ACACA: variants seen among roughly 807,000 people sequenced by gnomAD.
ACACA encodes acetyl-CoA carboxylase alpha.
In ACACA, 103 loss-of-function variants were observed where a neutral mutation model predicts 296.1. The ratio of observed to expected loss-of-function variants is 0.35; its 90% CI spans 0.30 to 0.41. The LOEUF is 0.41. Among genes scored for constraint, ACACA ranks in the 10% least tolerant of loss-of-function variants. The pLI is 1.00. For synonymous variants in ACACA, 953 were observed against 1,038.6 expected (o/e 0.92, Z 1.58); for missense variants, 1,554 against 2,989.7 (o/e 0.52, Z 11.20).
At chr17:37,374,767 C>G (rs562052588) in intron 1 of ACACA, among the ~76,000 whole-genome samples, 337 of 152,350 alleles carry the variant, frequency 2.2e-3, no homozygotes, top group African/African-American at 7.7e-3. Flanking sequence ...CTCACAACCT[C>G]TCAGCCCAAT....
chr17:37,394,215 C>CTTTTTTTTTTTTTTTT (rs796871691), intron 1 of ACACA, among the ~76,000 whole-genome samples: 2 of 144,464 alleles, frequency 1.4e-5, no homozygotes, highest in East Asian at 4.0e-4. Context: ...TTTTCTTTTT[C>CTTTTTTTTTTTTTTTT]TTTTTTTTTT....
At chr17:37,211,185 T>G (rs1210488110) in intron 29 of ACACA, among the ~76,000 whole-genome samples, 1 of 152,234 alleles carries the variant, frequency 6.6e-6, no homozygotes, top group African/African-American at 2.4e-5. Context: ...TTGTTAAAAT[T>G]AATTAATACT....
At chr17:37,345,575 C>G (rs1165181859) in intron 1 of ACACA, among the ~76,000 whole-genome samples, 4 of 152,038 alleles carry the variant, frequency 2.6e-5, no homozygotes, top group Non-Finnish European at 5.9e-5. Flanking sequence ...AAATAACTAC[C>G]TGTAGATTAA....
intron 10 of ACACA, 53 bp downstream of exon 10, chr17:37,270,698 A>G (rs575321243): frequency 4.4e-4 from 580 of 1,316,610 alleles, no homozygotes; most frequent in Middle Eastern, 5.8e-4. Flanking sequence ...GTTAAATCAT[A>G]TATCTCTGAT....
In ACACA at chr17:37,149,918, G is replaced by A; in HGVS notation, c.5625C>T (p.Thr1875=). 6.2e-7 allele frequency: 1 copy of A among 1,614,214 alleles called. No individual in the cohort carries two copies. The change falls in exon 45 of 56, where the codon ACC becomes ACT. Residue 1875 remains threonine (T), a synonymous_variant. Transcript: ENST00000616317. The part of the protein sequence containing the change: ...GAYLVRLGQR[T]IQVENSHLIL... ...TTAAGTGAGAATTCTCAACCTGGAT[G>A]GTTCTCTGTCCCAGCCGGACAAGGT...
chr17:37,206,973 T>G (rs2078530550), intron 31 of ACACA, 94 bp from the exon 32 acceptor site: 7 of 1,139,030 alleles, frequency 6.1e-6, no homozygotes, highest in Non-Finnish European at 9.1e-6. Context: ...ATAATCTATC[T>G]TAGCCTGGGC....
intron 1 of ACACA, among the ~76,000 whole-genome samples, chr17:37,378,799 T>A (rs1268066754): frequency 6.6e-6 from 1 of 150,472 alleles, no homozygotes. Context: ...CGGTGGCTCA[T>A]GTCTGTAATC....
At position 37,265,633 on chromosome 17, in the gene ACACA, T is replaced by C. The variant is rs116665365; in HGVS notation, c.1120-1739A>G. ...GGAAATAGGAGGTACATAGTAGTCA[T>C]TGGTCCATAGCAATTCTGAAATCCA... On this transcript the variant is annotated intron_variant, in intron 10 of 55. Coordinates refer to ENST00000616317, the MANE Select transcript of ACACA (RefSeq NM_198834.3). Among the ~76,000 whole-genome samples, 175 of 152,282 alleles carry C rather than the reference T, an allele frequency of 1.1e-3. 1 individual carries two copies. Among genetic ancestry groups the C allele is most frequent in the African/African-American group, 3.6e-3 (150 of 41,542 alleles).
chr17:37,257,722 T>C lies in ACACA; in HGVS notation c.1807A>G (p.Asn603Asp), dbSNP rs765712715. 6.2e-7 allele frequency: 1 copy of C among 1,614,142 alleles called. No homozygotes were observed. ...QFGHCFSWGE[N>D]REEAISNMVV... Reference sequence around the variant, plus strand: ...ACTCACGAAATTGCCTCTTCTCTGTTTTCTCCCCAAGAAAAGCAGTGACCA... The same window carrying C: ...ACTCACGAAATTGCCTCTTCTCTGTCTTCTCCCCAAGAAAAGCAGTGACCA... The change falls in exon 14 of 56, where the codon AAC becomes GAC. Residue 603 changes from asparagine (N) to aspartate (D), a missense_variant. Transcript: ENST00000616317.
Position 37,291,919 on chromosome 17 carries a change from AT to A in ACACA, c.339-6950del, listed in dbSNP as rs961536995. 2.5e-3 allele frequency among the ~76,000 whole-genome samples: 371 copies of A among 150,648 alleles called. 3 individuals carry two copies. Among genetic ancestry groups the A allele is most frequent in the East Asian group, 0.014 (74 of 5,164 alleles). On this transcript the variant is annotated intron_variant, in intron 3 of 55. Transcript: ENST00000616317. ...GTAAAAGGCAGTGCCTTTTAGGAGA[AT>A]TTTTTTTTTCATTGAAACTGTAAAA...
intron 1 of ACACA, among the ~76,000 whole-genome samples, chr17:37,340,358 C>T (rs1446379444): frequency 2.0e-5 from 3 of 152,182 alleles, no homozygotes; most frequent in Non-Finnish European, 4.4e-5. Context: ...CCTCGGTTTC[C>T]TTCTTAAGCC....
chr17:37,386,035 A>G, intron 1 of ACACA: 1 of 1,600,398 alleles, frequency 6.2e-7, no homozygotes, highest in Non-Finnish European at 8.5e-7. Context: ...CTCACAATGT[A>G]AAGTCCTGGG....
chr17:37,147,742 A>G (rs2075873572), intron 45 of ACACA, among the ~76,000 whole-genome samples: 1 of 152,168 alleles, frequency 6.6e-6, no homozygotes, highest in Admixed American at 6.5e-5. Context: ...TTTGGAAGTG[A>G]GCATTGTTTG....
At chr17:37,098,435 C>T (rs773540341) in intron 52 of ACACA, among the ~76,000 whole-genome samples, 1 of 152,222 alleles carries the variant, frequency 6.6e-6, no homozygotes, top group African/African-American at 2.4e-5. Context: ...CCCTAAACTC[C>T]GAGCACAAAC....
At chr17:37,256,195 C>T (rs2081220066) in intron 14 of ACACA, among the ~76,000 whole-genome samples, 2 of 152,030 alleles carry the variant, frequency 1.3e-5, no homozygotes, top group South Asian at 2.1e-4. Context: ...CTTTGTGAGC[C>T]CATCAAAACA....
chr17:37,214,668 G>C (rs928302738), intron 29 of ACACA, among the ~76,000 whole-genome samples: 5 of 152,138 alleles, frequency 3.3e-5, no homozygotes, highest in Non-Finnish European at 7.3e-5. Context: ...TAACACAGCA[G>C]AGACTAGAAG....
intron 12 of ACACA, 47 bp from the exon 13 acceptor site, chr17:37,258,420 T>C (rs769068230): frequency 3.8e-6 from 6 of 1,586,620 alleles, no homozygotes; most frequent in South Asian, 1.1e-5. Flanking sequence ...GTTACTTCCC[T>C]TAAAGTGTAG....
intron 18 of ACACA, 140 bp from the exon 19 acceptor site, chr17:37,247,116 G>A: frequency 2.2e-6 from 2 of 906,170 alleles, no homozygotes; most frequent in Middle Eastern, 2.2e-4. Flanking sequence ...CTGCATATTT[G>A]TTTACAATGT....
At chr17:37,204,505 T>C (rs2078411156) in intron 33 of ACACA, among the ~76,000 whole-genome samples, 1 of 152,322 alleles carries the variant, frequency 6.6e-6, no homozygotes, top group African/African-American at 2.4e-5. Context: ...CGTGGTAAGA[T>C]GCAAATAAAA....
Sources: gnomAD v4.1 joint callset for allele counts (sites outside exome capture counted in the v4.1 genomes callset) on GRCh38, gnomAD v4.1.1 for gene constraint, MANE v1.5 for transcripts, NCBI Gene and HGNC (gene_info 2026-07-23, HGNC 2026-07-21) for gene names.